GTF2H5: variants seen among roughly 807,000 people sequenced by gnomAD.
GTF2H5 encodes general transcription factor IIH subunit 5, also known as TFB5 ortholog.
In GTF2H5, 5 loss-of-function variants were observed where a neutral mutation model predicts 7.1. The ratio of observed to expected loss-of-function variants is 0.71; its 90% CI spans 0.37 to 1.49. The LOEUF is 1.49. Ranked by LOEUF, GTF2H5 falls within the 40% of genes most tolerant of loss-of-function variation. The pLI is 0.03. For missense variants in GTF2H5, 80 were observed against 83.0 expected (o/e 0.96, Z 0.14); for synonymous variants, 30 against 31.7 (o/e 0.95, Z 0.18).
intron 2 of GTF2H5, among the ~76,000 whole-genome samples, chr6:158,176,777 A>G (rs972962914): frequency 6.6e-6 from 1 of 152,182 alleles, no homozygotes; most frequent in Non-Finnish European, 1.5e-5. Flanking sequence ...TGTTAACAGC[A>G]AGCCAGGGAT....
intron 2 of GTF2H5, among the ~76,000 whole-genome samples, chr6:158,179,537 C>G (rs1785979483): frequency 6.6e-6 from 1 of 152,054 alleles, no homozygotes; most frequent in African/African-American, 2.4e-5. Flanking sequence ...GTTTGTAGTT[C>G]TTGAAGAGGT....
chr6:158,168,586 C>G (rs948297720), intron 1 of GTF2H5, among the ~76,000 whole-genome samples, 191 bp downstream of exon 1: 1 of 152,208 alleles, frequency 6.6e-6, no homozygotes, highest in Non-Finnish European at 1.5e-5. Flanking sequence ...CTCGTTTAAT[C>G]GTGGGTTTCC....
At chr6:158,183,704 G>A (rs577090623) in intron 2 of GTF2H5, among the ~76,000 whole-genome samples, 71 of 152,352 alleles carry the variant, frequency 4.7e-4, no homozygotes, top group African/African-American at 1.5e-3. Flanking sequence ...GGGACCCACC[G>A]AGCCAGGCAC....
At chr6:158,179,323 A>G (rs1279912117) in intron 2 of GTF2H5, among the ~76,000 whole-genome samples, 1 of 152,322 alleles carries the variant, frequency 6.6e-6, no homozygotes. Context: ...TGTCTTGGCT[A>G]TGTGGGCTCT....
chr6:158,191,517 C>G (rs574166448), intron 2 of GTF2H5, among the ~76,000 whole-genome samples: 1 of 150,674 alleles, frequency 6.6e-6, no homozygotes, highest in African/African-American at 2.5e-5. Context: ...GAGTCTCGCT[C>G]TGTCGCCCAG....
At chr6:158,185,999 A>C (rs568140324) in intron 2 of GTF2H5, among the ~76,000 whole-genome samples, 7 of 152,338 alleles carry the variant, frequency 4.6e-5, no homozygotes, top group Non-Finnish European at 1.0e-4. Context: ...TCTCAAAAAA[A>C]ATAAAGAGAG....
intron 2 of GTF2H5, among the ~76,000 whole-genome samples, chr6:158,178,653 TGA>T (rs1429230601): frequency 6.6e-6 from 1 of 152,186 alleles, no homozygotes; most frequent in African/African-American, 2.4e-5. Flanking sequence ...TGTCGTCTTT[TGA>T]GAAGTGTCTG....
intron 1 of GTF2H5, among the ~76,000 whole-genome samples, chr6:158,169,013 C>T (rs1785693311): frequency 6.6e-6 from 1 of 151,870 alleles, no homozygotes. Flanking sequence ...GTAGGTGGAT[C>T]ATTTGAGATC....
Position 158,197,299 on chromosome 6 carries a change from C to A in GTF2H5, c.*5142C>A, listed in dbSNP as rs1286507507. On this transcript the variant is annotated 3_prime_UTR_variant, in exon 3 of 3. Coordinates refer to ENST00000607778, the MANE Select transcript of GTF2H5 (RefSeq NM_207118.3). ...AATGCAGAAAGAAAAGCACAGTCGT[C>A]ATGCAAAATAGTCACTACTCATTCA... 1.0e-5 allele frequency: 2 copies of A among 195,406 alleles called. No homozygotes were observed. The highest frequency in any genetic ancestry group is 2.3e-4 in the South Asian group (2 of 8,594). 12.1% of individuals were successfully genotyped at this position (195,406 alleles called of 1,614,324 possible).
intron 1 of GTF2H5, among the ~76,000 whole-genome samples, chr6:158,169,780 G>GTATATTATATATTATATATTGTATATTA (rs1562469556): frequency 3.9e-5 from 3 of 76,178 alleles, no homozygotes; most frequent in Non-Finnish European, 7.3e-5. Flanking sequence ...ATAATATATT[G>GTATATTATATATTATATATTGTATATTA]TATATTATAT....
chr6:158,186,486 A>G (rs2128431313), intron 2 of GTF2H5, among the ~76,000 whole-genome samples: 1 of 152,350 alleles, frequency 6.6e-6, no homozygotes, highest in Non-Finnish European at 1.5e-5. Context: ...TTTGTCTTTT[A>G]TTACTGTTAC....
chr6:158,174,985 C>T (rs1375899737), intron 2 of GTF2H5, among the ~76,000 whole-genome samples: 3 of 127,532 alleles, frequency 2.4e-5, no homozygotes, highest in East Asian at 3.1e-4. Context: ...CTGAAGTTTT[C>T]CAGGCACCCA....
chr6:158,183,073 CT>C (rs912652609), intron 2 of GTF2H5, among the ~76,000 whole-genome samples: 30 of 152,030 alleles, frequency 2.0e-4, no homozygotes, highest in Admixed American at 5.9e-4. Flanking sequence ...TGTGGATGTC[CT>C]TTTTGGTGAT....
chr6:158,173,636 T>C (rs1780451848), intron 2 of GTF2H5, among the ~76,000 whole-genome samples: 1 of 152,196 alleles, frequency 6.6e-6, no homozygotes, highest in African/African-American at 2.4e-5. Flanking sequence ...CTTCTACAGC[T>C]GTTGCAGGTG....
chr6:158,173,966 G>A (rs2128429281), intron 2 of GTF2H5, among the ~76,000 whole-genome samples: 1 of 152,318 alleles, frequency 6.6e-6, no homozygotes, highest in African/African-American at 2.4e-5. Context: ...TCTAGATATT[G>A]CCATGGCATT....
chr6:158,169,529 A>ATATTATATAATATATT (rs1562468515), intron 1 of GTF2H5, among the ~76,000 whole-genome samples: 16 of 55,724 alleles, frequency 2.9e-4, no homozygotes, highest in Non-Finnish European at 3.5e-4. Context: ...TATAATATAC[A>ATATTATATAATATATT]GTATATTATA....
In GTF2H5 at chr6:158,192,086, T is replaced by C. The variant is rs1777038377; in HGVS notation, c.145T>C (p.Leu49=). The C allele has an allele frequency of 4.3e-6, 7 of 1,613,976 alleles. 1 individual carries two copies. ...CACTCACGTCTTTGTAATAGCAGAATTGGTTAATGTCCTCCAGGAGCGAGT... is the reference window on the plus strand; with the variant it reads ...CACTCACGTCTTTGTAATAGCAGAACTGGTTAATGTCCTCCAGGAGCGAGT... ...DDTHVFVIAE[L]VNVLQERVGE... is the part of the protein sequence containing the mutation. The change falls in exon 3 of 3, where the codon TTG becomes CTG. Residue 49 remains leucine (L), a synonymous_variant. Transcript: ENST00000607778.
chr6:158,185,557 A>AG (rs1776905038), intron 2 of GTF2H5, among the ~76,000 whole-genome samples: 1 of 151,764 alleles, frequency 6.6e-6, no homozygotes, highest in Non-Finnish European at 1.5e-5. Context: ...AAAAAAAAAA[A>AG]AAGTTTGAAG....
rs906617999 is a variant in GTF2H5, at chr6:158,194,619, G to C, written c.*2462G>C. On this transcript the variant is annotated 3_prime_UTR_variant, in exon 3 of 3. Transcript: ENST00000607778. The stretch of plus-strand genomic sequence containing the variant: ...GCTTCAGTACCTTATGAGTTAATTG[G>C]ACTCTTTGATATGTTGAGAGTCAGC... 1.3e-5 allele frequency: 2 copies of C among 152,152 alleles called. No individual in the cohort carries two copies. The allele number at this position is 152,152 out of a possible 1,614,324, so 9.4% of individuals were successfully genotyped here.
Sources: gnomAD v4.1 joint callset for allele counts (sites outside exome capture counted in the v4.1 genomes callset) on GRCh38, gnomAD v4.1.1 for gene constraint, MANE v1.5 for transcripts, NCBI Gene and HGNC (gene_info 2026-07-23, HGNC 2026-07-21) for gene names.